The following PTPRK variants were observed in gnomAD, a reference collection of about 807,000 sequenced individuals.
The protein encoded by PTPRK is receptor-type tyrosine-protein phosphatase kappa.
Under a neutral mutation model 178.0 loss-of-function variants are expected in PTPRK, and 75 were observed. The observed-to-expected ratio is 0.42, with a 90% CI of 0.35 to 0.51. The LOEUF (loss-of-function observed/expected upper bound fraction) is 0.51, where lower values mean the gene tolerates loss of function less well. PTPRK is among the 20% of genes least tolerant of loss of function. The pLI is 0.02. For synonymous variants in PTPRK, 637 were observed against 620.6 expected (o/e 1.03, Z -0.39); for missense variants, 1,441 against 1,797.8 (o/e 0.80, Z 3.59).
At chr6:128,290,277 TA>T (rs1456820410) in intron 3 of PTPRK, among the ~76,000 whole-genome samples, 13 of 152,084 alleles carry the variant, frequency 8.5e-5, no homozygotes, top group African/African-American at 3.1e-4. Context: ...TTTCTACCAC[TA>T]AGCAGACTTT....
At chr6:128,382,209 T>C (rs1209563330) in intron 2 of PTPRK, among the ~76,000 whole-genome samples, 1 of 148,176 alleles carries the variant, frequency 6.7e-6, no homozygotes, top group Non-Finnish European at 1.5e-5. Context: ...GAAAGTATTA[T>C]AATGGTGCTA....
At chr6:128,150,199 G>A (rs995734595) in intron 7 of PTPRK, among the ~76,000 whole-genome samples, 4 of 152,072 alleles carry the variant, frequency 2.6e-5, no homozygotes, top group African/African-American at 9.7e-5. Context: ...AAGAGTGGGG[G>A]TGGGGTCACA....
chr6:128,371,034 C>G (rs1345632159), intron 2 of PTPRK, among the ~76,000 whole-genome samples: 3 of 152,082 alleles, frequency 2.0e-5, no homozygotes, highest in South Asian at 2.1e-4. Context: ...ATGAACAACT[C>G]AATTACAATC....
intron 13 of PTPRK, among the ~76,000 whole-genome samples, chr6:128,046,291 G>A (rs1562488784): frequency 6.6e-6 from 1 of 152,144 alleles, no homozygotes. Flanking sequence ...AGATCCAACA[G>A]GCAGGAAGAA....
chr6:128,169,508 A>G (rs1161644322), intron 7 of PTPRK, among the ~76,000 whole-genome samples: 1 of 152,016 alleles, frequency 6.6e-6, no homozygotes, highest in African/African-American at 2.4e-5. Context: ...TACCAATGAA[A>G]TGACTTGAAA....
intron 7 of PTPRK, among the ~76,000 whole-genome samples, chr6:128,091,683 G>A (rs571242737): frequency 6.6e-5 from 10 of 151,994 alleles, no homozygotes; most frequent in South Asian, 6.2e-4. Flanking sequence ...TATTTAACCC[G>A]CTAATTCTTT....
At position 128,083,816 on chromosome 6, in the gene PTPRK, G is replaced by C; in HGVS notation, c.1474C>G (p.Pro492Ala). 6.4e-7 allele frequency: 1 copy of C among 1,573,764 alleles called. No individual in the cohort carries two copies. The highest frequency in any genetic ancestry group is 8.6e-7 in the Non-Finnish European group (1 of 1,157,806). The change falls in exon 9 of 30, where the codon CCC becomes GCC. Residue 492 changes from proline to alanine, a missense_variant. Physicochemically the swap from Pro to Ala is conservative, Grantham distance 27. Around this residue, in one of 4 missense-constraint regions of PTPRK, gnomAD observed 945 missense variants for 1,080.6 expected, o/e 0.87. Transcript: ENST00000368226. Reference protein sequence around the residue: ...IIQTDEDVPGPVPVKSLQGTS... With the variant: ...IIQTDEDVPGAVPVKSLQGTS... Reference sequence around the variant, plus strand: ...CCTTGAAGAGATTTTACTGGTACGGGACCAGGCACTACAAAACACATGAAT... The same window carrying C: ...CCTTGAAGAGATTTTACTGGTACGGCACCAGGCACTACAAAACACATGAAT...
chr6:128,266,629 A>G (rs1175153475), intron 3 of PTPRK, among the ~76,000 whole-genome samples: 1 of 152,116 alleles, frequency 6.6e-6, no homozygotes, highest in Non-Finnish European at 1.5e-5. Flanking sequence ...TCACGAGACT[A>G]TAACACCAAC....
In PTPRK at chr6:127,993,539, T is replaced by A. The variant is rs111659478; in HGVS notation, c.2845-830A>T. Among the ~76,000 whole-genome samples, 394 of 151,768 alleles carry A rather than the reference T, an allele frequency of 2.6e-3. 2 individuals are homozygous for A. Among genetic ancestry groups the A allele is most frequent in the African/African-American group, 8.7e-3 (361 of 41,510 alleles). ...TAGTAAAAGTCTGTGGTACAATTTG[T>A]CCACATACTGGTGTGGGCAACTCAA... On this transcript the variant is annotated intron_variant, in intron 18 of 29. Transcript: ENST00000368226.
chr6:128,355,207 A>G (rs1052057038), intron 2 of PTPRK, among the ~76,000 whole-genome samples: 1 of 152,224 alleles, frequency 6.6e-6, no homozygotes, highest in Non-Finnish European at 1.5e-5. Context: ...TTACACTTAC[A>G]TGCAGAACAA....
At chr6:128,340,749 T>C (rs1562315443) in intron 2 of PTPRK, 3 of 459,452 alleles carry the variant, frequency 6.5e-6, no homozygotes, top group East Asian at 6.4e-5. Flanking sequence ...GAGTGGCAAA[T>C]AGGTACTTCT....
intron 7 of PTPRK, among the ~76,000 whole-genome samples, chr6:128,091,079 T>C (rs1344215991): frequency 6.6e-6 from 1 of 152,210 alleles, no homozygotes; most frequent in Non-Finnish European, 1.5e-5. Flanking sequence ...ACTGGGATTC[T>C]AGTTCAATAT....
At chr6:128,006,774 CG>C (rs1778476337) in intron 14 of PTPRK, among the ~76,000 whole-genome samples, 1 of 150,780 alleles carries the variant, frequency 6.6e-6, no homozygotes, top group South Asian at 2.1e-4. Flanking sequence ...AATTGAATAG[CG>C]ATTAAATTAA....
chr6:128,188,914 C>A (rs1193071360), intron 6 of PTPRK, among the ~76,000 whole-genome samples: 4 of 152,048 alleles, frequency 2.6e-5, no homozygotes, highest in African/African-American at 9.7e-5. Context: ...GCAGTTAGGC[C>A]CCATATGTAT....
At chr6:128,360,720 C>T (rs1348791206) in intron 2 of PTPRK, among the ~76,000 whole-genome samples, 2 of 152,014 alleles carry the variant, frequency 1.3e-5, no homozygotes, top group Admixed American at 6.6e-5. Context: ...CTTTTATATG[C>T]TTTTAAATAA....
At chr6:128,190,205 A>T (rs1403828114) in intron 6 of PTPRK, among the ~76,000 whole-genome samples, 6 of 152,178 alleles carry the variant, frequency 3.9e-5, no homozygotes, top group Admixed American at 3.3e-4. Context: ...CTGCCAGTTT[A>T]AAAACTGCAA....
intron 5 of PTPRK, among the ~76,000 whole-genome samples, chr6:128,220,768 A>G (rs1810258400): frequency 1.3e-5 from 2 of 152,236 alleles, no homozygotes; most frequent in Non-Finnish European, 2.9e-5. Flanking sequence ...AGTAGCAAAT[A>G]AATAAACTGA....
intron 3 of PTPRK, among the ~76,000 whole-genome samples, chr6:128,319,911 T>C (rs1176470817): frequency 6.6e-6 from 1 of 152,158 alleles, no homozygotes; most frequent in Admixed American, 6.6e-5. Flanking sequence ...ACTAAGCACA[T>C]GAATAAAAAG....
intron 11 of PTPRK, among the ~76,000 whole-genome samples, chr6:128,076,371 G>A (rs2114977628): frequency 6.6e-6 from 1 of 152,056 alleles, no homozygotes; most frequent in Non-Finnish European, 1.5e-5. Context: ...AGGAGGCAGG[G>A]CTCATCTGAA....
Sources: allele counts gnomAD v4.1 joint callset (sites outside exome capture counted in the v4.1 genomes callset), GRCh38; gene constraint gnomAD v4.1.1; regional missense constraint gnomAD v4.1.1; transcripts MANE v1.5; gene names NCBI Gene and HGNC (gene_info 2026-07-23, HGNC 2026-07-21).